Variants in TSEN2 observed in about 807,000 individuals in gnomAD.
The protein encoded by TSEN2 is tRNA splicing endonuclease subunit 2, also known as tRNA-splicing endonuclease subunit Sen2.
TSEN2 carries 54 observed loss-of-function variants against 59.2 expected under a neutral mutation model. The observed-to-expected ratio is 0.91, with a 90% CI of 0.73 to 1.14. The LOEUF (loss-of-function observed/expected upper bound fraction) is 1.14, where lower values mean the gene tolerates loss of function less well. Ranked by LOEUF, TSEN2 falls within the 50% of genes most tolerant of loss-of-function variation. TSEN2 has a pLI of 0.00. For missense variants in TSEN2, 636 were observed against 576.2 expected (o/e 1.10, Z -1.06); for synonymous variants, 195 against 198.2 (o/e 0.98, Z 0.14).
intron 7 of TSEN2, among the ~76,000 whole-genome samples, chr3:12,517,836 G>T (rs2056291770): frequency 6.6e-6 from 1 of 152,074 alleles, no homozygotes; most frequent in South Asian, 2.1e-4. Context: ...ACAACACTGG[G>T]CTGTGTTGGA....
intron 1 of TSEN2, among the ~76,000 whole-genome samples, chr3:12,486,712 G>GC (rs201897191): frequency 0.013 from 1,936 of 151,914 alleles, 18 homozygotes; most frequent in Non-Finnish European, 0.016. Flanking sequence ...ATTAGCAGTC[G>GC]CCCCCCCATT....
At chr3:12,511,215 G>A (rs1053188506) in intron 6 of TSEN2, 6 of 152,042 alleles carry the variant, frequency 3.9e-5, no homozygotes, top group Admixed American at 1.3e-4. Flanking sequence ...GCTGTAGGGC[G>A]TTATTAATTT....
intron 4 of TSEN2, 96 bp from the exon 5 acceptor site, chr3:12,503,166 T>G: frequency 1.5e-6 from 2 of 1,373,690 alleles, no homozygotes; most frequent in Non-Finnish European, 2.1e-6. Context: ...GCTGTAAACA[T>G]TTTGGTGTGT....
At position 12,501,255 on chromosome 3, in the gene TSEN2, C is replaced by G. The variant is rs1031448566; in HGVS notation, c.309-2007C>G. ...ATCCCTTTGAGGTGGTAGTACTCAT[C>G]TCCACATTTTATAGGTGGGAAAATT... On this transcript the variant is annotated intron_variant, in intron 4 of 11. Transcript: ENST00000284995. Among the ~76,000 whole-genome samples, 4 of 152,212 alleles carry G rather than the reference C, an allele frequency of 2.6e-5. No individual in the cohort carries two copies. The East Asian group carries it at 7.7e-4, about 29-fold the overall frequency.
intron 5 of TSEN2, 88 bp from the exon 6 acceptor site, chr3:12,505,066 A>T (rs1454515492): frequency 2.4e-6 from 2 of 826,012 alleles, no homozygotes; most frequent in East Asian, 5.2e-5. Flanking sequence ...CTGGGAATTT[A>T]TAAGAAAAAT....
chr3:12,515,046 A>G (rs1016206702), intron 6 of TSEN2: 3 of 152,166 alleles, frequency 2.0e-5, no homozygotes, highest in Non-Finnish European at 4.4e-5. Context: ...GGCAGATAAC[A>G]CCACGTTATT....
At chr3:12,502,568 C>A (rs922917010) in intron 4 of TSEN2, among the ~76,000 whole-genome samples, 1 of 150,866 alleles carries the variant, frequency 6.6e-6, no homozygotes, top group African/African-American at 2.4e-5. Flanking sequence ...AAAAAAAAAT[C>A]TTGATAAAGG....
In TSEN2 at chr3:12,503,725, G is replaced by C; in HGVS notation, c.772G>C (p.Val258Leu). 6.2e-7 allele frequency: 1 copy of C among 1,614,066 alleles called. No homozygotes were observed. The stretch of plus-strand genomic sequence containing the variant: ...GGACAGAGGGCCTGACCATGAGTAC[G>C]TGCTGGTCGAGGAAGCGGAGTGTGC... Reference protein sequence around the residue: ...PGDRGPDHEYVLVEEAECAMS... With the variant: ...PGDRGPDHEYLLVEEAECAMS... Residue 258 changes from valine (V) to leucine (L), a missense_variant, in exon 5 of 12, where the codon GTG becomes CTG. Physicochemically the swap from Val to Leu is conservative, Grantham distance 32 (BLOSUM62 1). Coordinates refer to ENST00000284995, the MANE Select transcript of TSEN2 (RefSeq NM_025265.4).
rs2057346156 is a variant in TSEN2 at position 12,529,837 on chromosome 3, G to A, written c.1212G>A (p.Leu404=). The A allele has an allele frequency of 4.3e-6, 7 of 1,614,128 alleles. No homozygotes were observed. In the East Asian group the frequency reaches 1.6e-4, roughly 36 times the overall value. ...GCAGGCCTCTCAGTTGGAAGTCCCT[G>A]GCTGCCTTGAGCAGAGTTTCCGTTA... ...SLRRPLSWKS[L]AALSRVSVNV... is the part of the protein sequence containing the mutation. Residue 404 remains leucine (L), a synonymous_variant, in exon 10 of 12, where the codon CTG becomes CTA. Transcript: ENST00000284995.
chr3:12,480,527 T>G (rs1470266518), upstream of TSEN2, among the ~76,000 whole-genome samples: 24 of 135,784 alleles, frequency 1.8e-4, no homozygotes, highest in African/African-American at 7.0e-4. Flanking sequence ...TTTGTTTCTT[T>G]GTTTTTTTTT....
intron 9 of TSEN2, 108 bp downstream of exon 9, chr3:12,529,032 G>T: frequency 9.0e-7 from 1 of 1,116,658 alleles, no homozygotes; most frequent in Non-Finnish European, 1.4e-6. Flanking sequence ...GTTCTTCCTG[G>T]CCTGATACGA....
At chr3:12,482,164 T>C (rs547757881), upstream of TSEN2, among the ~76,000 whole-genome samples, 1 of 152,324 alleles carries the variant, frequency 6.6e-6, no homozygotes, top group African/African-American at 2.4e-5. Flanking sequence ...TCTTGTTGCC[T>C]AGGCTGGAGG....
intron 7 of TSEN2, among the ~76,000 whole-genome samples, chr3:12,516,992 A>T (rs1341990949): frequency 6.6e-6 from 1 of 152,212 alleles, no homozygotes; most frequent in African/African-American, 2.4e-5. Context: ...ACTATGGTAA[A>T]AGCTATATTT....
In TSEN2 at chr3:12,489,811, C is replaced by A; in HGVS notation, c.11C>A (p.Ala4Glu). Residue 4 changes from alanine (A) to glutamate (E), a missense_variant, in exon 2 of 12, where the codon GCA becomes GAA. Ala to Glu is a moderately radical substitution (Grantham distance 107). Coordinates refer to ENST00000284995, the MANE Select transcript of TSEN2 (RefSeq NM_025265.4). Reference sequence around the variant, plus strand: ...TACCTCCTCTGAAAAATGGCAGAAGCAGTTTTCCATGCCCCAAAGAGGAAA... The same window carrying A: ...TACCTCCTCTGAAAAATGGCAGAAGAAGTTTTCCATGCCCCAAAGAGGAAA... MAE[A>E]VFHAPKRKRR... The A allele has an allele frequency of 6.2e-7, 1 of 1,613,456 alleles. No individual in the cohort carries two copies. Among genetic ancestry groups the A allele is most frequent in the Middle Eastern group, 1.7e-4 (1 of 6,014 alleles).
intron 2 of TSEN2, among the ~76,000 whole-genome samples, 186 bp downstream of exon 2, chr3:12,490,175 A>G (rs899040468): frequency 2.6e-5 from 4 of 152,224 alleles, no homozygotes; most frequent in African/African-American, 9.7e-5. Flanking sequence ...TGTTAGGGTA[A>G]TAGAATGACA....
At chr3:12,519,022 A>G (rs1288891028) in intron 7 of TSEN2, 37 bp from the exon 8 acceptor site, 5 of 1,611,662 alleles carry the variant, frequency 3.1e-6, no homozygotes, top group Middle Eastern at 1.7e-4. Context: ...GAATGCATAC[A>G]TAGTAATGCT....
At chr3:12,532,254 T>C (rs1056387429) in intron 11 of TSEN2, among the ~76,000 whole-genome samples, 4 of 152,182 alleles carry the variant, frequency 2.6e-5, no homozygotes, top group Non-Finnish European at 4.4e-5. Flanking sequence ...TTCCCTTCAG[T>C]TGGTCCCACT....
At chr3:12,508,262 C>T (rs965594870) in intron 6 of TSEN2, among the ~76,000 whole-genome samples, 1 of 152,160 alleles carries the variant, frequency 6.6e-6, no homozygotes, top group African/African-American at 2.4e-5. Flanking sequence ...CTCTTGAACA[C>T]CCCCTGATGA....
intron 4 of TSEN2, among the ~76,000 whole-genome samples, chr3:12,497,756 C>T (rs1476151471): frequency 2.0e-5 from 3 of 152,196 alleles, no homozygotes; most frequent in African/African-American, 7.2e-5. Context: ...ACTACAGTAT[C>T]CCAAGAAGTT....
Sources: allele counts gnomAD v4.1 joint callset (sites outside exome capture counted in the v4.1 genomes callset), GRCh38; gene constraint gnomAD v4.1.1; transcripts MANE v1.5; gene names NCBI Gene and HGNC (gene_info 2026-07-23, HGNC 2026-07-21).